Variants in CD47 observed in about 807,000 individuals in gnomAD.
CD47 encodes leukocyte surface antigen CD47.
In CD47, 11 loss-of-function variants were observed where a neutral mutation model predicts 44.6. The ratio of observed to expected loss-of-function variants is 0.25; its 90% confidence interval spans 0.16 to 0.41. The LOEUF is 0.41. Among genes scored for constraint, CD47 ranks in the 10% least tolerant of loss-of-function variants. The pLI, the probability that CD47 is intolerant of heterozygous loss-of-function variation, is 1.00. For synonymous variants in CD47, 140 were observed against 136.3 expected (o/e 1.03, Z -0.19); for missense variants, 306 against 386.7 (o/e 0.79, Z 1.75).
chr3:108,065,509 T>C (rs1486053143), intron 3 of CD47, among the ~76,000 whole-genome samples: 2 of 152,224 alleles, frequency 1.3e-5, no homozygotes, highest in African/African-American at 2.4e-5. Flanking sequence ...TTCAAGATTA[T>C]TGAACAGAAT....
intron 1 of CD47, among the ~76,000 whole-genome samples, chr3:108,083,607 A>C (rs2079458744): frequency 6.6e-6 from 1 of 152,050 alleles, no homozygotes; most frequent in Non-Finnish European, 1.5e-5. Context: ...CAGAAGAGTA[A>C]TTGGTCTTAC....
intron 5 of CD47, 42 bp downstream of exon 5, chr3:108,059,410 G>A (rs2078973691): frequency 2.0e-6 from 2 of 1,013,372 alleles, no homozygotes; most frequent in African/African-American, 1.7e-5. Flanking sequence ...TTTTGTAAAT[G>A]AAAAAGGTAG....
rs548076031 is a variant in CD47, at chr3:108,085,911, T to C, written c.46+4952A>G. On this transcript the variant is annotated intron_variant, in intron 1 of 10. Transcript: ENST00000361309. ...TTGATTATGAAATCATGAAGCTGCA[T>C]ATTTTCATGGAAAATCTCAAGTCAC... is the stretch of plus-strand genomic sequence containing the variant. 3.3e-5 allele frequency among the ~76,000 whole-genome samples: 5 copies of C among 152,326 alleles called. No individual in the cohort carries two copies. In the East Asian group the frequency reaches 9.6e-4, roughly 29 times the overall value.
chr3:108,077,825 T>C (rs535099340), intron 2 of CD47, among the ~76,000 whole-genome samples: 84 of 152,240 alleles, frequency 5.5e-4, no homozygotes, highest in Non-Finnish European at 1.0e-3. Context: ...CTTGTATCAT[T>C]CCATTTATAT....
At chr3:108,062,592 A>T (rs1462317086) in intron 3 of CD47, among the ~76,000 whole-genome samples, 1 of 151,578 alleles carries the variant, frequency 6.6e-6, no homozygotes, top group Non-Finnish European at 1.5e-5. Flanking sequence ...GTATAATTTC[A>T]TGGAAAAAGG....
At chr3:108,051,221 C>T (rs2078821415) in intron 8 of CD47, among the ~76,000 whole-genome samples, 1 of 152,236 alleles carries the variant, frequency 6.6e-6, no homozygotes, top group Admixed American at 6.5e-5. Context: ...ATACATCTAT[C>T]ATCACTCCGT....
intron 2 of CD47, among the ~76,000 whole-genome samples, chr3:108,078,753 C>T (rs914831192): frequency 1.3e-5 from 2 of 152,084 alleles, no homozygotes; most frequent in Non-Finnish European, 2.9e-5. Flanking sequence ...CCTCACTGCA[C>T]ACAAATCCCT....
In CD47 at chr3:108,058,347, G is replaced by A. The variant is rs1242736813; in HGVS notation, c.774C>T (p.Leu258=). Residue 258 remains leucine (L), a synonymous_variant, in exon 6 of 11, where the codon CTC becomes CTT. Coordinates refer to ENST00000361309, the MANE Select transcript of CD47 (RefSeq NM_001777.4). ...AYILAVVGLS[L]CIAACIPMHG... Reference sequence around the variant, plus strand: ...AAAGATGACTCTTACCCGCAATACAGAGACTCAGTCCAACCACAGCGAGGA... The same window carrying A: ...AAAGATGACTCTTACCCGCAATACAAAGACTCAGTCCAACCACAGCGAGGA... The A allele has an allele frequency of 1.9e-6, 3 of 1,557,222 alleles. No homozygotes were observed. The highest frequency in any genetic ancestry group is 1.7e-4 in the Middle Eastern group (1 of 5,984).
At chr3:108,050,203 T>G (rs991816664) in intron 9 of CD47, among the ~76,000 whole-genome samples, 1 of 152,178 alleles carries the variant, frequency 6.6e-6, no homozygotes, top group Admixed American at 6.5e-5. Flanking sequence ...CTGCAACATC[T>G]GCCTTCCGGG....
rs1412634242 is a variant in CD47 at position 108,043,152 on chromosome 3, T to C, written c.*4136A>G. ...CTAATTAAAAGCTTATTGGGTATTA[T>C]ACTCAAAAAATTCATAATTAATATT... On this transcript the variant is annotated 3_prime_UTR_variant, in exon 11 of 11. Coordinates refer to ENST00000361309, the MANE Select transcript of CD47 (RefSeq NM_001777.4). The C allele has an allele frequency of 1.3e-5, 2 of 152,748 alleles. No homozygotes were observed. Among genetic ancestry groups the C allele is most frequent in the Middle Eastern group, 6.8e-3 (2 of 294 alleles). The allele number at this position is 152,748 out of a possible 1,614,324, so 9.5% of individuals were successfully genotyped here.
chr3:108,057,424 A>G (rs1320605864), intron 7 of CD47, 53 bp downstream of exon 7: 2 of 837,398 alleles, frequency 2.4e-6, no homozygotes, highest in Admixed American at 3.9e-5. Context: ...GCATTTTCTA[A>G]GTGATATATC....
At chr3:108,084,532 CTT>C (rs1213975861) in intron 1 of CD47, among the ~76,000 whole-genome samples, 1 of 152,068 alleles carries the variant, frequency 6.6e-6, no homozygotes, top group Non-Finnish European at 1.5e-5. Flanking sequence ...CACCTGCAAA[CTT>C]TTAAATAAAA....
chr3:108,060,830 A>G lies in CD47; in HGVS notation c.513T>C (p.Gly171=). The G allele has an allele frequency of 6.2e-7, 1 of 1,611,214 alleles. No individual in the cohort carries two copies. Among genetic ancestry groups the G allele is most frequent in the East Asian group, 2.2e-5 (1 of 44,870 alleles). The stretch of plus-strand genomic sequence containing the variant: ...GTAAAGCAATTGTTTTCTCATCCAT[A>G]CCACCGGATCTATATTTAAGTGCTT... The part of the protein sequence containing the change: ...GIKTLKYRSG[G]MDEKTIALLV... The change falls in exon 4 of 11, where the codon GGT becomes GGC. Residue 171 remains glycine (G), a synonymous_variant. Transcript: ENST00000361309.
At chr3:108,052,306 C>T (rs983824920) in intron 7 of CD47, 4 of 259,458 alleles carry the variant, frequency 1.5e-5, no homozygotes, top group Non-Finnish European at 3.0e-5. Flanking sequence ...GTGCTCCATC[C>T]TCCCTCCTCT....
intron 10 of CD47, among the ~76,000 whole-genome samples, chr3:108,049,094 ATCTCTCTCTCTCTCTCTCTCTC>A (rs55708779): frequency 0.055 from 7,083 of 129,368 alleles, 340 homozygotes; most frequent in African/African-American, 0.12. Flanking sequence ...AGGACGAAAC[ATCTCTCTCTCTCTCTCTCTCTC>A]TCTCTCTCTC....
At chr3:108,081,170 T>A (rs2079410758) in intron 1 of CD47, among the ~76,000 whole-genome samples, 1 of 151,952 alleles carries the variant, frequency 6.6e-6, no homozygotes. Flanking sequence ...CTAATAAGCA[T>A]CCTATCTACG....
At chr3:108,051,464 G>A (rs565409661) in intron 8 of CD47, among the ~76,000 whole-genome samples, 1 of 152,264 alleles carries the variant, frequency 6.6e-6, no homozygotes, top group Non-Finnish European at 1.5e-5. Flanking sequence ...ACATTTGTAT[G>A]GGAGAGGATC....
At chr3:108,051,143 G>A (rs532451098) in intron 8 of CD47, among the ~76,000 whole-genome samples, 1 of 152,294 alleles carries the variant, frequency 6.6e-6, no homozygotes, top group East Asian at 1.9e-4. Context: ...AATGAGGCTT[G>A]TCAGACTTAG....
intron 6 of CD47, 59 bp downstream of exon 6, chr3:108,058,278 G>A: frequency 2.2e-6 from 2 of 914,914 alleles, no homozygotes; most frequent in Non-Finnish European, 1.6e-6. Flanking sequence ...AAAAGAAAAA[G>A]GAAGAAGAGC....
Sources: gnomAD v4.1 joint callset for allele counts (sites outside exome capture counted in the v4.1 genomes callset) on GRCh38, gnomAD v4.1.1 for gene constraint, MANE v1.5 for transcripts, NCBI Gene and HGNC (gene_info 2026-07-23, HGNC 2026-07-21) for gene names.